Variants in PPP1R9A observed in about 807,000 individuals in gnomAD.
The protein encoded by PPP1R9A is protein phosphatase 1 regulatory subunit 9A.
In PPP1R9A, 59 loss-of-function variants were observed where a neutral mutation model predicts 141.9. The ratio of observed to expected loss-of-function variants is 0.42; its 90% CI spans 0.34 to 0.52. The LOEUF is 0.52. Among genes scored for constraint, PPP1R9A ranks in the 20% least tolerant of loss-of-function variants. The pLI, the probability that PPP1R9A is intolerant of heterozygous loss-of-function variation, is 0.10. For missense variants in PPP1R9A, 1,444 were observed against 1,611.9 expected (o/e 0.90, Z 1.78); for synonymous variants, 500 against 569.7 (o/e 0.88, Z 1.74).
At chr7:94,943,648 T>C (rs1795576539) in intron 2 of PPP1R9A, among the ~76,000 whole-genome samples, 1 of 152,186 alleles carries the variant, frequency 6.6e-6, no homozygotes, top group Non-Finnish European at 1.5e-5. Flanking sequence ...TGACATGCTT[T>C]GAACTATCAA....
chr7:95,180,489 C>T (rs1833575606), intron 5 of PPP1R9A, among the ~76,000 whole-genome samples: 2 of 151,968 alleles, frequency 1.3e-5, no homozygotes, highest in South Asian at 4.1e-4. Flanking sequence ...TGACCAAGAA[C>T]CCAAAAGCAA....
chr7:94,953,944 C>G (rs1004915874), intron 2 of PPP1R9A, among the ~76,000 whole-genome samples: 1 of 152,006 alleles, frequency 6.6e-6, no homozygotes, highest in East Asian at 1.9e-4. Flanking sequence ...ATTTGAAGAC[C>G]CTTTATTTCT....
chr7:95,241,364 TG>T (rs1308980001), intron 8 of PPP1R9A, among the ~76,000 whole-genome samples: 1 of 152,156 alleles, frequency 6.6e-6, no homozygotes, highest in Non-Finnish European at 1.5e-5. Flanking sequence ...ACTTTTTGCT[TG>T]GGACAGAATG....
intron 2 of PPP1R9A, among the ~76,000 whole-genome samples, chr7:95,103,431 G>C (rs1004224094): frequency 6.9e-6 from 1 of 144,112 alleles, no homozygotes; most frequent in South Asian, 2.2e-4. Context: ...GCAGTGGTGC[G>C]ATCTTGGCTC....
intron 7 of PPP1R9A, among the ~76,000 whole-genome samples, chr7:95,204,176 A>G (rs7784934): frequency 0.13 from 20,384 of 152,208 alleles, 1,572 homozygotes; most frequent in African/African-American, 0.18. Flanking sequence ...TTTAAATTAT[A>G]GTAGTATTTA....
intron 12 of PPP1R9A, among the ~76,000 whole-genome samples, chr7:95,253,371 C>A (rs544697801): frequency 2.6e-5 from 4 of 152,224 alleles, no homozygotes; most frequent in African/African-American, 9.6e-5. Context: ...CTATCATGAA[C>A]TTTTAGAACT....
At chr7:95,037,468 A>G (rs752776062) in intron 2 of PPP1R9A, among the ~76,000 whole-genome samples, 15 of 152,304 alleles carry the variant, frequency 9.8e-5, no homozygotes, top group Admixed American at 2.0e-4. Flanking sequence ...GTTATGACCA[A>G]AAGTGATTTC....
chr7:95,005,917 A>T (rs1018690168), intron 2 of PPP1R9A, among the ~76,000 whole-genome samples: 2 of 152,176 alleles, frequency 1.3e-5, no homozygotes, highest in African/African-American at 4.8e-5. Flanking sequence ...AGATACAAAA[A>T]AAAATTGATG....
chr7:95,064,152 T>C (rs924136088), intron 2 of PPP1R9A, among the ~76,000 whole-genome samples: 5 of 152,304 alleles, frequency 3.3e-5, no homozygotes, highest in Middle Eastern at 3.4e-3. Context: ...TATAGAACCA[T>C]TGTTGTTTGC....
chr7:95,106,816 G>GT (rs1476364209), intron 2 of PPP1R9A, among the ~76,000 whole-genome samples: 2 of 150,574 alleles, frequency 1.3e-5, no homozygotes, highest in African/African-American at 4.9e-5. Context: ...TTTTTTGTTT[G>GT]TTTTTTTGAG....
chr7:95,280,397 C>T (rs748299299), intron 16 of PPP1R9A, among the ~76,000 whole-genome samples: 1 of 152,168 alleles, frequency 6.6e-6, no homozygotes, highest in Non-Finnish European at 1.5e-5. Flanking sequence ...CACCTGTATT[C>T]AAAGTTAGAA....
At chr7:95,144,757 A>C (rs901851883) in intron 4 of PPP1R9A, among the ~76,000 whole-genome samples, 3 of 152,166 alleles carry the variant, frequency 2.0e-5, no homozygotes, top group Non-Finnish European at 4.4e-5. Flanking sequence ...AAAAGAAGTA[A>C]AAGGCATCCA....
intron 8 of PPP1R9A, among the ~76,000 whole-genome samples, chr7:95,240,683 C>G (rs1247391372): frequency 2.0e-5 from 3 of 152,026 alleles, no homozygotes; most frequent in African/African-American, 7.2e-5. Flanking sequence ...TTTAGCACTT[C>G]TAACATGACT....
chr7:95,283,206 A>C (rs1317752422), intron 16 of PPP1R9A, among the ~76,000 whole-genome samples: 1 of 152,238 alleles, frequency 6.6e-6, no homozygotes, highest in Non-Finnish European at 1.5e-5. Flanking sequence ...AAGAACCTAC[A>C]TTAAGACAAA....
At chr7:95,207,615 T>G (rs148319618) in intron 7 of PPP1R9A, among the ~76,000 whole-genome samples, 2,554 of 152,282 alleles carry the variant, frequency 0.017, 50 homozygotes, top group Admixed American at 0.044. Context: ...ATCTGTCACT[T>G]TTTATATTTG....
chr7:95,107,787 G>A (rs1458377607), intron 2 of PPP1R9A, among the ~76,000 whole-genome samples: 1 of 152,072 alleles, frequency 6.6e-6, no homozygotes, highest in East Asian at 1.9e-4. Flanking sequence ...AAAAATGTAG[G>A]TAGGATTTTA....
intron 3 of PPP1R9A, among the ~76,000 whole-genome samples, chr7:95,112,577 G>T (rs1820760600): frequency 6.6e-6 from 1 of 151,690 alleles, no homozygotes; most frequent in Non-Finnish European, 1.5e-5. Flanking sequence ...CAAAGGAAAA[G>T]AAATGGTATC....
chr7:95,016,345 A>G (rs551750166), intron 2 of PPP1R9A, among the ~76,000 whole-genome samples: 4 of 152,152 alleles, frequency 2.6e-5, no homozygotes, highest in Non-Finnish European at 5.9e-5. Context: ...ACATTTGACA[A>G]TGAGATGAAA....
intron 2 of PPP1R9A, among the ~76,000 whole-genome samples, chr7:94,935,226 A>G (rs1290433994): frequency 6.6e-6 from 1 of 152,202 alleles, no homozygotes; most frequent in Non-Finnish European, 1.5e-5. Context: ...CTCTCCGCCA[A>G]AGTATGAAAA....
Sources: allele counts gnomAD v4.1 joint callset (sites outside exome capture counted in the v4.1 genomes callset), GRCh38; gene constraint gnomAD v4.1.1; transcripts MANE v1.5; gene names NCBI Gene and HGNC (gene_info 2026-07-23, HGNC 2026-07-21).